TMEM67: variants seen among roughly 807,000 people sequenced by gnomAD.
TMEM67 encodes transmembrane protein 67, also known as meckelin.
Under a neutral mutation model 136.6 loss-of-function variants are expected in TMEM67, and 124 were observed. That is an observed-to-expected ratio of 0.91 (90% CI 0.78 to 1.05). The LOEUF (loss-of-function observed/expected upper bound fraction) is 1.05. Ranked by LOEUF, TMEM67 falls within the 50% of genes least tolerant of loss-of-function variation. The pLI is 0.00. For synonymous variants in TMEM67, 364 were observed against 390.5 expected (o/e 0.93, Z 0.80); for missense variants, 1,107 against 1,178.4 (o/e 0.94, Z 0.89).
At chr8:93,826,123 CTTTTTTTTTTTTTTTTTT>C in the TMEM67 span, among the ~76,000 whole-genome samples, 1 of 52,372 alleles carries the variant, frequency 1.9e-5, no homozygotes, top group Non-Finnish European at 3.5e-5. Context: ...TTAATCATGT[CTTTTTTTTTTTTTTTTTT>C]TTTTTTTTTT....
intron 7 of TMEM67, among the ~76,000 whole-genome samples, chr8:93,775,856 G>A (rs372255692): frequency 6.6e-6 from 1 of 152,108 alleles, no homozygotes; most frequent in Admixed American, 6.5e-5. Context: ...GGTTCCACAG[G>A]AACTTTACAG....
chr8:93,782,731 G>A (rs1300469048), intron 11 of TMEM67, among the ~76,000 whole-genome samples: 2 of 151,120 alleles, frequency 1.3e-5, no homozygotes, highest in African/African-American at 2.4e-5. Flanking sequence ...GTGCCACCAC[G>A]CCCAGCTAAT....
At chr8:93,760,298 T>C (rs969355485) in intron 3 of TMEM67, among the ~76,000 whole-genome samples, 5 of 152,162 alleles carry the variant, frequency 3.3e-5, no homozygotes, top group Non-Finnish European at 7.3e-5. Context: ...GACAGGCTTA[T>C]GGATACACAG....
rs1428050537 is a variant in TMEM67, at chr8:93,809,131, G to A, written c.2631G>A (p.Met877Ile). 6.2e-7 allele frequency: 1 copy of A among 1,606,854 alleles called. No homozygotes were observed. The highest frequency in any genetic ancestry group is 8.5e-7 in the Non-Finnish European group (1 of 1,174,142). Reference protein sequence around the residue: ...FEQSIKAYHMMNKFLGSFIDH... With the variant: ...FEQSIKAYHMINKFLGSFIDH... ...AGAGTATAAAAGCATATCATATGAT[G>A]AATAAATTTCTTGGCTCCTTCATTG... Residue 877 changes from methionine to isoleucine, a missense_variant, in exon 25 of 28, where the codon ATG (methionine) becomes ATA (isoleucine). Around this residue, in one of 3 missense-constraint regions of TMEM67, gnomAD observed 925 missense variants for 1,002.4 expected, o/e 0.92. Transcript: ENST00000453321.
the TMEM67 span, among the ~76,000 whole-genome samples, chr8:93,832,456 G>A: frequency 3.9e-5 from 6 of 152,096 alleles, no homozygotes; most frequent in African/African-American, 1.4e-4. Context: ...TCCAGAATAT[G>A]CCTTGGAGAG....
Position 93,755,767 on chromosome 8 carries a change from T to C in TMEM67, c.224-11T>C. On this transcript the variant is annotated splice_polypyrimidine_tract_variant and intron_variant, in intron 1 of 27. Coordinates refer to ENST00000453321, the MANE Select transcript of TMEM67 (RefSeq NM_153704.6). ...TAAAATTGGCTTTTTTTTTTTTTTT[T>C]TTTTTTTTAGGAACTTCATGTGTAT... 1 of 1,365,802 alleles carries C rather than the reference T, an allele frequency of 7.3e-7. No homozygotes were observed. The highest frequency in any genetic ancestry group is 1.0e-6 in the Non-Finnish European group (1 of 1,002,610). 84.6% of individuals were successfully genotyped at this position (1,365,802 alleles called of 1,614,324 possible). A position where few individuals can be genotyped will look rare whatever the true frequency, so the allele number is the denominator to read the frequency against.
chr8:93,781,876 A>T, intron 10 of TMEM67, 132 bp downstream of exon 10: 1 of 536,798 alleles, frequency 1.9e-6, no homozygotes, highest in Non-Finnish European at 3.2e-6. Context: ...TGATGCTTTA[A>T]ATTAGACTTT....
chr8:93,770,970 G>A (rs188392686), intron 6 of TMEM67, among the ~76,000 whole-genome samples: 40 of 151,240 alleles, frequency 2.6e-4, no homozygotes, highest in South Asian at 6.3e-4. Context: ...AGCCAAGATC[G>A]CGCCATTGCA....
At chr8:93,765,370 T>G (rs1320026119) in intron 4 of TMEM67, 36 bp from the exon 5 acceptor site, 7 of 1,528,262 alleles carry the variant, frequency 4.6e-6, no homozygotes, top group Non-Finnish European at 6.3e-6. Flanking sequence ...TATAATTTAT[T>G]AACATTTTTA....
intron 6 of TMEM67, among the ~76,000 whole-genome samples, chr8:93,766,878 T>C (rs1448039877): frequency 2.0e-5 from 3 of 152,180 alleles, no homozygotes; most frequent in South Asian, 2.1e-4. Flanking sequence ...TATCCCAAAA[T>C]TGGCTCATCT....
At chr8:93,770,971 C>T (rs375340834) in intron 6 of TMEM67, among the ~76,000 whole-genome samples, 11 of 150,994 alleles carry the variant, frequency 7.3e-5, no homozygotes, top group Admixed American at 5.3e-4. Context: ...GCCAAGATCG[C>T]GCCATTGCAC....
chr8:93,821,097 A>AGT (rs1809034495), downstream of TMEM67, among the ~76,000 whole-genome samples: 1 of 152,200 alleles, frequency 6.6e-6, no homozygotes, highest in African/African-American at 2.4e-5. Context: ...CATGCAGTGC[A>AGT]GTAAGGGAAA....
intron 7 of TMEM67, 73 bp downstream of exon 7, chr8:93,772,724 A>C (rs1413923320): frequency 8.4e-7 from 1 of 1,195,184 alleles, no homozygotes; most frequent in Non-Finnish European, 1.2e-6. Flanking sequence ...CAGATAATAA[A>C]AGTTTTATTT....
At chr8:93,829,314 C>G in the TMEM67 span, among the ~76,000 whole-genome samples, 1 of 152,148 alleles carries the variant, frequency 6.6e-6, no homozygotes, top group Non-Finnish European at 1.5e-5. Flanking sequence ...TTCTTGAACT[C>G]TCTCACTCAA....
At chr8:93,806,324 A>G (rs983993049) in intron 23 of TMEM67, among the ~76,000 whole-genome samples, 2 of 152,190 alleles carry the variant, frequency 1.3e-5, no homozygotes, top group Non-Finnish European at 2.9e-5. Flanking sequence ...TTAAGGAATA[A>G]CTAATTTTGT....
intron 14 of TMEM67, among the ~76,000 whole-genome samples, chr8:93,790,352 C>T (rs1814320769): frequency 1.3e-5 from 2 of 152,112 alleles, no homozygotes; most frequent in African/African-American, 4.8e-5. Context: ...GAAAGAAGGT[C>T]CCTTCCTCTC....
At chr8:93,806,122 A>G (rs894102683) in intron 23 of TMEM67, among the ~76,000 whole-genome samples, 3 of 152,198 alleles carry the variant, frequency 2.0e-5, no homozygotes, top group African/African-American at 2.4e-5. Flanking sequence ...TCACAGGATA[A>G]ATGACTCAGT....
At chr8:93,825,255 C>T in the TMEM67 span, among the ~76,000 whole-genome samples, 4 of 152,096 alleles carry the variant, frequency 2.6e-5, no homozygotes, top group South Asian at 2.1e-4. Flanking sequence ...AGTATAGGTG[C>T]GACATTCCAG....
At position 93,795,883 on chromosome 8, in the gene TMEM67, A is replaced by G. The variant is rs759803724; in HGVS notation, c.1774-18A>G. On this transcript the variant is annotated intron_variant, in intron 17 of 27. Transcript: ENST00000453321. Reference sequence around the variant, plus strand: ...AAACTGTGTGTGATAATATTTAATCAAGTAATTTTTATTATAGGCACAGAA... The same window carrying G: ...AAACTGTGTGTGATAATATTTAATCGAGTAATTTTTATTATAGGCACAGAA... 1 of 1,514,780 alleles carries G rather than the reference A, an allele frequency of 6.6e-7. No homozygotes were observed. The highest frequency in any genetic ancestry group is 2.3e-5 in the East Asian group (1 of 44,366). 93.8% of individuals were successfully genotyped at this position (1,514,780 alleles called of 1,614,324 possible).
Sources: allele counts gnomAD v4.1 joint callset (sites outside exome capture counted in the v4.1 genomes callset), GRCh38; gene constraint gnomAD v4.1.1; regional missense constraint gnomAD v4.1.1; transcripts MANE v1.5; gene names NCBI Gene and HGNC (gene_info 2026-07-23, HGNC 2026-07-21).